CEP192: variants seen among roughly 807,000 people sequenced by gnomAD.
CEP192 encodes the protein centrosomal protein of 192 kDa.
In CEP192, 151 loss-of-function variants were observed where a neutral mutation model predicts 271.8. That is an observed-to-expected ratio of 0.56 (90% CI 0.49 to 0.64). CEP192 has a LOEUF of 0.64. Among genes scored for constraint, CEP192 ranks in the 30% least tolerant of loss-of-function variants. CEP192 has a pLI of 0.00. For synonymous variants in CEP192, 995 were observed against 1,076.5 expected (o/e 0.92, Z 1.48); for missense variants, 2,910 against 3,020.5 (o/e 0.96, Z 0.86).
At position 13,042,338 on chromosome 18, in the gene CEP192, G is replaced by C. The variant is rs1393992944; in HGVS notation, c.2067+4G>C. On this transcript the variant is annotated splice_donor_region_variant and intron_variant, in intron 15 of 44. Transcript: ENST00000506447. ...GGCTGATAAAGGCAAAACAGAGGTA[G>C]CTTCAGCCTTTCGTAAGGAAATCTA... The C allele has an allele frequency of 6.2e-7, 1 of 1,613,536 alleles. No homozygotes were observed. The highest frequency in any genetic ancestry group is 1.1e-5 in the South Asian group (1 of 90,966).
chr18:13,019,064 T>A lies in CEP192; in HGVS notation c.926-18T>A. 1 of 1,522,130 alleles carries A rather than the reference T, an allele frequency of 6.6e-7. No homozygotes were observed. The highest frequency in any genetic ancestry group is 1.4e-5 in the African/African-American group (1 of 71,190). 94.3% of individuals were successfully genotyped at this position (1,522,130 alleles called of 1,614,324 possible). A position where few individuals can be genotyped will look rare whatever the true frequency, so the allele number is the denominator to read the frequency against. ...AGATTTGATGTGGCTCCTTTAACAT[T>A]TTTCTTTATTTTTTCAGGTAATTCT... is the stretch of plus-strand genomic sequence containing the variant. On this transcript the variant is annotated intron_variant, in intron 8 of 44. Coordinates refer to ENST00000506447, the MANE Select transcript of CEP192 (RefSeq NM_032142.4).
At chr18:13,046,472 T>C (rs2036487395) in intron 15 of CEP192, among the ~76,000 whole-genome samples, 1 of 152,174 alleles carries the variant, frequency 6.6e-6, no homozygotes, top group East Asian at 1.9e-4. Context: ...CACCTAGACT[T>C]TGTTCTTTTT....
intron 9 of CEP192, among the ~76,000 whole-genome samples, chr18:13,021,747 A>G (rs1466277796): frequency 2.0e-5 from 3 of 152,136 alleles, no homozygotes; most frequent in African/African-American, 7.2e-5. Context: ...AAGACACAGG[A>G]TGTGTGTCCG....
intron 34 of CEP192, among the ~76,000 whole-genome samples, chr18:13,093,321 A>T (rs1357145523): frequency 6.6e-6 from 1 of 152,190 alleles, no homozygotes; most frequent in Non-Finnish European, 1.5e-5. Context: ...AAATGACAAA[A>T]CAACAACAAA....
chr18:13,031,404 C>T (rs958281926), intron 11 of CEP192, among the ~76,000 whole-genome samples: 8 of 152,098 alleles, frequency 5.3e-5, no homozygotes, highest in Admixed American at 1.3e-4. Flanking sequence ...CCTGCCACTA[C>T]GCCCGGCTAA....
intron 30 of CEP192, among the ~76,000 whole-genome samples, chr18:13,076,784 T>G (rs1182369248): frequency 6.6e-6 from 1 of 151,108 alleles, no homozygotes; most frequent in Non-Finnish European, 1.5e-5. Flanking sequence ...AAATGCTGTT[T>G]ATTTATTTAT....
chr18:13,094,001 G>T (rs2039273029), intron 34 of CEP192, among the ~76,000 whole-genome samples: 1 of 152,192 alleles, frequency 6.6e-6, no homozygotes, highest in Non-Finnish European at 1.5e-5. Flanking sequence ...CAATGACCTT[G>T]ATGTTTTTAT....
intron 9 of CEP192, among the ~76,000 whole-genome samples, chr18:13,020,915 T>G (rs184815114): frequency 1.3e-5 from 2 of 152,316 alleles, no homozygotes; most frequent in East Asian, 3.9e-4. Flanking sequence ...ACTTTTTAAT[T>G]GAGTTTTTTT....
chr18:12,998,921 C>A (rs932473856), intron 1 of CEP192, among the ~76,000 whole-genome samples: 21 of 152,180 alleles, frequency 1.4e-4, no homozygotes, highest in Non-Finnish European at 2.8e-4. Context: ...TATACTTTAA[C>A]TGAAAATTGT....
intron 7 of CEP192, among the ~76,000 whole-genome samples, 162 bp downstream of exon 7, chr18:13,017,498 C>T (rs954300231): frequency 6.6e-6 from 1 of 152,098 alleles, no homozygotes; most frequent in African/African-American, 2.4e-5. Flanking sequence ...CCCTTTCTTC[C>T]TTCTTGGTAC....
intron 11 of CEP192, among the ~76,000 whole-genome samples, chr18:13,033,553 T>C (rs1175037961): frequency 1.3e-5 from 2 of 152,258 alleles, no homozygotes; most frequent in African/African-American, 4.8e-5. Context: ...CGAGCAGTTC[T>C]GCTTCTGGGA....
intron 4 of CEP192, among the ~76,000 whole-genome samples, chr18:13,009,008 C>CTTTT (rs1193857966): frequency 2.6e-5 from 3 of 113,540 alleles, no homozygotes; most frequent in East Asian, 2.5e-4. Context: ...TGTGCCTGGC[C>CTTTT]TTTTTGTTTT....
chr18:13,103,523 C>G lies in CEP192; in HGVS notation c.6886C>G (p.Leu2296Val), dbSNP rs558362087. The change falls in exon 39 of 45, where the codon CTC (leucine) becomes GTC (valine). Residue 2296 changes from leucine to valine, a missense_variant. Physicochemically the swap from Leu to Val is conservative, Grantham distance 32 (BLOSUM62 1). Transcript: ENST00000506447. The part of the protein sequence containing the change: ...PGETSESCLE[L>V]ENHGTTDVKW... ...GTTCCTTTTAGAGAGCTGTCTAGAACTCGAGAATCATGGCACCACAGACGT... is the reference window on the plus strand; with the variant it reads ...GTTCCTTTTAGAGAGCTGTCTAGAAGTCGAGAATCATGGCACCACAGACGT... 5 of 1,613,656 alleles carry G rather than the reference C, an allele frequency of 3.1e-6. No homozygotes were observed. In the African/African-American group the frequency reaches 6.7e-5, roughly 22 times the overall value.
intron 39 of CEP192, 44 bp from the exon 40 acceptor site, chr18:13,104,940 A>G (rs376516355): frequency 1.1e-4 from 161 of 1,403,826 alleles, no homozygotes; most frequent in Non-Finnish European, 1.5e-4. Flanking sequence ...GGATTTATCC[A>G]TTGGCTTTAT....
chr18:13,018,701 T>C, intron 8 of CEP192, 86 bp downstream of exon 8: 1 of 984,902 alleles, frequency 1.0e-6, no homozygotes, highest in Non-Finnish European at 1.4e-6. Flanking sequence ...TCTGGTATGA[T>C]TTAGCATATA....
At position 13,049,285 on chromosome 18, in the gene CEP192, G is replaced by A. The variant is rs146768537; in HGVS notation, c.2494G>A (p.Val832Ile). 6.6e-5 allele frequency: 106 copies of A among 1,614,040 alleles called. No homozygotes were observed. In the African/African-American group the frequency reaches 1.3e-3, roughly 20 times the overall value. ...TCCGGTGGACTTAAGTGCTACTAGT[G>A]TAAGTGTGAGGGCACCAGAAGAAAA... ...IHPVDLSATS[V>I]SVRAPEENTA... Residue 832 changes from valine to isoleucine, a missense_variant, in exon 16 of 45, where the codon GTA becomes ATA. Val to Ile is a conservative substitution (Grantham distance 29). Transcript: ENST00000506447.
chr18:13,021,596 T>C (rs2034998806), intron 9 of CEP192, among the ~76,000 whole-genome samples: 1 of 152,212 alleles, frequency 6.6e-6, no homozygotes, highest in Non-Finnish European at 1.5e-5. Flanking sequence ...TGAGGCCCTT[T>C]GCAATTCCAT....
intron 17 of CEP192, among the ~76,000 whole-genome samples, chr18:13,052,683 T>A (rs1446853209): frequency 1.3e-5 from 2 of 152,214 alleles, no homozygotes; most frequent in African/African-American, 4.8e-5. Context: ...AATAATGAAT[T>A]GCTGTGTGTC....
chr18:13,046,800 A>AT (rs2036505763), intron 15 of CEP192, among the ~76,000 whole-genome samples: 1 of 145,602 alleles, frequency 6.9e-6, no homozygotes, highest in Admixed American at 6.8e-5. Context: ...TTCATCTGAG[A>AT]TTAGTTTTCT....
Sources: gnomAD v4.1 joint callset for allele counts (sites outside exome capture counted in the v4.1 genomes callset) on GRCh38, gnomAD v4.1.1 for gene constraint, MANE v1.5 for transcripts, NCBI Gene and HGNC (gene_info 2026-07-23, HGNC 2026-07-21) for gene names.